The following SIRPG variants were observed in gnomAD, a reference collection of about 807,000 sequenced individuals.
The protein encoded by SIRPG is signal-regulatory protein gamma.
A neutral mutation model predicts 35.7 loss-of-function variants in SIRPG; 38 were observed. The ratio of observed to expected loss-of-function variants is 1.06; its 90% confidence interval spans 0.82 to 1.40. The LOEUF (loss-of-function observed/expected upper bound fraction) is 1.40. Among genes scored for constraint, SIRPG ranks in the 40% most tolerant of loss-of-function variants. The probability of loss-of-function intolerance (pLI) is 0.00; values close to 1 mark genes in which losing one functional copy is unlikely to be tolerated. For missense variants in SIRPG, 519 were observed against 483.0 expected, an observed-to-expected ratio of 1.07 and a Z score of -0.70; for synonymous variants, 215 against 190.4, an observed-to-expected ratio of 1.13 and a Z score of -1.06.
At chr20:1,650,350 G>A (rs1170004808) in intron 1 of SIRPG, among the ~76,000 whole-genome samples, 1 of 152,000 alleles carries the variant, frequency 6.6e-6, no homozygotes, top group African/African-American at 2.4e-5. Context: ...AATGGACAAA[G>A]TACTAAAACA....
chr20:1,660,551 C>G (rs1242708828), upstream of SIRPG, among the ~76,000 whole-genome samples: 1 of 152,170 alleles, frequency 6.6e-6, no homozygotes, highest in African/African-American at 2.4e-5. Context: ...GTGCTTAGAG[C>G]AGCAAGTGCC....
At chr20:1,647,529 C>A (rs919572447) in intron 2 of SIRPG, 4 of 152,184 alleles carry the variant, frequency 2.6e-5, no homozygotes, top group Non-Finnish European at 5.9e-5. Context: ...AATACACACA[C>A]CCTCTGACTT....
At chr20:1,671,487 C>A in the SIRPG span, among the ~76,000 whole-genome samples, 2 of 152,124 alleles carry the variant, frequency 1.3e-5, no homozygotes, top group Non-Finnish European at 2.9e-5. Flanking sequence ...TCCTAGCCTG[C>A]CTCCCCTGGA....
At chr20:1,664,141 C>A in the SIRPG span, among the ~76,000 whole-genome samples, 1 of 152,174 alleles carries the variant, frequency 6.6e-6, no homozygotes, top group African/African-American at 2.4e-5. Flanking sequence ...TGAGCAAGAA[C>A]TCAGTTATTA....
chr20:1,661,960 GA>G (rs2091997174), upstream of SIRPG, among the ~76,000 whole-genome samples: 1 of 152,168 alleles, frequency 6.6e-6, no homozygotes, highest in Non-Finnish European at 1.5e-5. Flanking sequence ...CAATTTCAGA[GA>G]CCATAATTCC....
At chr20:1,630,958 C>T (rs988831733) in intron 4 of SIRPG, 2 of 152,086 alleles carry the variant, frequency 1.3e-5, no homozygotes, top group African/African-American at 4.8e-5. Flanking sequence ...TGGTGAGTCA[C>T]GGAAATGGGT....
chr20:1,650,484 CA>C (rs1489769117), intron 1 of SIRPG, among the ~76,000 whole-genome samples: 1 of 152,084 alleles, frequency 6.6e-6, no homozygotes, highest in African/African-American at 2.4e-5. Flanking sequence ...GGTTCCCCAA[CA>C]GGTGTGAACA....
At chr20:1,659,638 G>A (rs140606313), upstream of SIRPG, among the ~76,000 whole-genome samples, 8 of 152,302 alleles carry the variant, frequency 5.3e-5, no homozygotes, top group Admixed American at 2.6e-4. Context: ...GAGAAAACCC[G>A]AGGCACATGG....
intron 4 of SIRPG, chr20:1,630,578 G>A (rs748945203): frequency 9.7e-5 from 37 of 383,124 alleles, no homozygotes; most frequent in Non-Finnish European, 8.5e-5. Context: ...ATGTGGCAAC[G>A]GGGTTCCTCA....
intron 1 of SIRPG, among the ~76,000 whole-genome samples, chr20:1,652,657 T>A (rs1313248197): frequency 6.6e-6 from 1 of 152,212 alleles, no homozygotes. Flanking sequence ...AATTTGTACA[T>A]CTATTTACGA....
the SIRPG span, among the ~76,000 whole-genome samples, chr20:1,663,673 AC>A: frequency 2.0e-5 from 3 of 152,234 alleles, no homozygotes; most frequent in African/African-American, 7.2e-5. Flanking sequence ...GGACATAAGC[AC>A]TTTGAAGGCA....
intron 1 of SIRPG, 33 bp from the exon 2 acceptor site, chr20:1,649,441 T>C (rs998452787): frequency 1.3e-6 from 2 of 1,551,976 alleles, no homozygotes; most frequent in African/African-American, 2.7e-5. Flanking sequence ...CATTTTTTCA[T>C]CCTTACATAA....
the SIRPG span, among the ~76,000 whole-genome samples, chr20:1,665,620 G>T: frequency 0.014 from 2,083 of 152,266 alleles, 23 homozygotes; most frequent in Non-Finnish European, 0.022. Flanking sequence ...GGAAGGAGGG[G>T]GTTGAGAGAG....
the SIRPG span, among the ~76,000 whole-genome samples, chr20:1,679,094 C>CTG: frequency 1.3e-5 from 2 of 152,174 alleles, no homozygotes; most frequent in Non-Finnish European, 2.9e-5. Context: ...CTTCCCTGAT[C>CTG]TGTAGAAGGG....
At chr20:1,684,782 T>TCCTCC in the SIRPG span, among the ~76,000 whole-genome samples, 3 of 152,146 alleles carry the variant, frequency 2.0e-5, no homozygotes, top group Non-Finnish European at 4.4e-5. Flanking sequence ...ATGGACAAGC[T>TCCTCC]CCTCCCTCTG....
chr20:1,630,275 G>A lies in SIRPG; in HGVS notation c.1113C>T (p.Leu371=), dbSNP rs148760823. The A allele has an allele frequency of 7.8e-5, 122 of 1,572,900 alleles. No individual in the cohort carries two copies. In the African/African-American group the frequency reaches 1.4e-3, roughly 19 times the overall value. The change falls in exon 5 of 6, where the codon CTC becomes CTT. Residue 371 remains leucine (L), a synonymous_variant. Transcript: ENST00000303415. The stretch of plus-strand genomic sequence containing the variant: ...AGATGGGGCCCAGGAGGACAGCTAT[G>A]AGGAGCAGCGCAGTAAGGGATGATG... ...GPASSLTALL[L]IAVLLGPIYV...
At chr20:1,656,478 T>TA (rs1248728321) in intron 1 of SIRPG, among the ~76,000 whole-genome samples, 1 of 152,048 alleles carries the variant, frequency 6.6e-6, no homozygotes, top group Admixed American at 6.6e-5. Flanking sequence ...AGTGTATGTG[T>TA]AAAAAAAATA....
chr20:1,652,960 T>A (rs1318372066), intron 1 of SIRPG, among the ~76,000 whole-genome samples: 2 of 152,234 alleles, frequency 1.3e-5, no homozygotes, highest in Non-Finnish European at 2.9e-5. Flanking sequence ...GACATTTCCC[T>A]CGAAGACTGA....
At position 1,632,639 on chromosome 20, in the gene SIRPG, C is replaced by T. The variant is rs141291142; in HGVS notation, c.1082-2333G>A. On this transcript the variant is annotated intron_variant, in intron 4 of 5. Coordinates refer to ENST00000303415, the MANE Select transcript of SIRPG (RefSeq NM_018556.4). The stretch of plus-strand genomic sequence containing the variant: ...AAAACTATGAACCCTAGAAACATCA[C>T]AAGGATCAGGAATAGGAGAAATTCC... 4.2e-3 allele frequency among the ~76,000 whole-genome samples: 641 copies of T among 152,032 alleles called. 2 individuals are homozygous for T. The highest frequency in any genetic ancestry group is 0.015 in the African/African-American group (604 of 41,438).
Sources: gnomAD v4.1 joint callset for allele counts (sites outside exome capture counted in the v4.1 genomes callset) on GRCh38, gnomAD v4.1.1 for gene constraint, MANE v1.5 for transcripts, NCBI Gene and HGNC (gene_info 2026-07-23, HGNC 2026-07-21) for gene names.